PTPRN2: variants seen among roughly 807,000 people sequenced by gnomAD.
The protein encoded by PTPRN2 is protein tyrosine phosphatase receptor type N2.
In PTPRN2, 74 loss-of-function variants were observed where a neutral mutation model predicts 118.8. The observed-to-expected ratio is 0.62, with a 90% CI of 0.52 to 0.76. PTPRN2 has a LOEUF of 0.76. Among genes scored for constraint, PTPRN2 ranks in the 30% least tolerant of loss-of-function variants. The pLI, the probability that PTPRN2 is intolerant of heterozygous loss-of-function variation, is 0.00. For synonymous variants in PTPRN2, 641 were observed against 608.0 expected (o/e 1.05, Z -0.80); for missense variants, 1,481 against 1,394.4 (o/e 1.06, Z -0.99).
Position 157,995,246 on chromosome 7 carries a change from G to A in PTPRN2, c.1723+86052C>T, listed in dbSNP as rs150154194. 5.1e-3 allele frequency among the ~76,000 whole-genome samples: 760 copies of A among 148,000 alleles called. 1 individual carries two copies. The highest frequency in any genetic ancestry group is 0.015 in the African/African-American group (592 of 39,628). On this transcript the variant is annotated intron_variant, in intron 11 of 22. Coordinates refer to ENST00000389418, the MANE Select transcript of PTPRN2 (RefSeq NM_002847.5). ...TACAACTCCTTGTTCCTAAATCAAC[G>A]CTGCATCCCCAGCTTACAACTCCTT...
Position 158,158,423 on chromosome 7 carries a change from C to T in PTPRN2, c.910+8508G>A, listed in dbSNP as rs577040394. ...CAGCCAACGCAGGACCTCAGGGTCACGGAAGGCTCGAAGGAGAAGAGGACC... is the reference window on the plus strand; with the variant it reads ...CAGCCAACGCAGGACCTCAGGGTCATGGAAGGCTCGAAGGAGAAGAGGACC... On this transcript the variant is annotated intron_variant, in intron 6 of 22. Transcript: ENST00000389418. 1.6e-4 allele frequency among the ~76,000 whole-genome samples: 25 copies of T among 152,320 alleles called. No homozygotes were observed. The South Asian group carries it at 4.2e-3, about 25-fold the overall frequency.
chr7:158,163,823 CTG>C (rs1406491896), intron 6 of PTPRN2, among the ~76,000 whole-genome samples: 1 of 151,928 alleles, frequency 6.6e-6, no homozygotes, highest in Non-Finnish European at 1.5e-5. Context: ...TCAATATTCT[CTG>C]TATATTTCGT....
At chr7:158,060,250 C>T (rs1810211525) in intron 11 of PTPRN2, among the ~76,000 whole-genome samples, 1 of 142,858 alleles carries the variant, frequency 7.0e-6, no homozygotes, top group Non-Finnish European at 1.5e-5. Flanking sequence ...CACGGTGACA[C>T]ATCACTGCAG....
At chr7:158,357,561 C>T (rs991985357) in intron 2 of PTPRN2, among the ~76,000 whole-genome samples, 2 of 152,246 alleles carry the variant, frequency 1.3e-5, no homozygotes, top group Non-Finnish European at 2.9e-5. Context: ...AGCCCAGGCC[C>T]ACCCAAATCA....
chr7:158,452,847 A>C (rs974563622), intron 2 of PTPRN2, among the ~76,000 whole-genome samples: 1 of 152,220 alleles, frequency 6.6e-6, no homozygotes, highest in African/African-American at 2.4e-5. Flanking sequence ...GGAACTGCAC[A>C]AAGAGTCTTC....
chr7:158,037,461 T>C lies in PTPRN2; in HGVS notation c.1723+43837A>G, dbSNP rs139315809. ...TCACTGTACTGAGTGCTGTAGGCAA[T>C]TGTAACCAATGGTATGTATTTGCGT... On this transcript the variant is annotated intron_variant, in intron 11 of 22. Transcript: ENST00000389418. Among the ~76,000 whole-genome samples the C allele has an allele frequency of 4.4e-3, 665 of 152,340 alleles. 7 individuals are homozygous for C. Among genetic ancestry groups the C allele is most frequent in the African/African-American group, 0.015 (639 of 41,588 alleles).
intron 1 of PTPRN2, among the ~76,000 whole-genome samples, chr7:158,503,631 A>G (rs1822535582): frequency 6.6e-6 from 1 of 152,234 alleles, no homozygotes; most frequent in Non-Finnish European, 1.5e-5. Flanking sequence ...CCTGGTTACG[A>G]ACAAAAAGTT....
intron 7 of PTPRN2, among the ~76,000 whole-genome samples, chr7:158,137,589 ACCTAACACAGGCCCTC>A (rs1186158698): frequency 1.3e-5 from 2 of 151,812 alleles, no homozygotes; most frequent in Non-Finnish European, 2.9e-5. Context: ...CTGGGCGACC[ACCTAACACAGGCCCTC>A]CCGGGGTGCA....
intron 9 of PTPRN2, among the ~76,000 whole-genome samples, chr7:158,126,075 A>G (rs1460114558): frequency 1.6e-3 from 153 of 92,844 alleles, no homozygotes; most frequent in Middle Eastern, 6.5e-3. Context: ...GGGCGGCGGA[A>G]CTTCCTCTCC....
At chr7:158,303,705 G>C (rs1801067423) in intron 3 of PTPRN2, among the ~76,000 whole-genome samples, 1 of 152,192 alleles carries the variant, frequency 6.6e-6, no homozygotes, top group Admixed American at 6.5e-5. Flanking sequence ...AAATCACCTG[G>C]AGAATTTTTA....
chr7:158,035,463 T>G (rs7456458), intron 11 of PTPRN2, among the ~76,000 whole-genome samples: 15 of 152,220 alleles, frequency 9.9e-5, no homozygotes, highest in African/African-American at 3.6e-4. Context: ...CAGCTGAGTG[T>G]GGCAGTGGCA....
chr7:157,905,239 T>A (rs1797706258), intron 11 of PTPRN2, among the ~76,000 whole-genome samples: 1 of 152,206 alleles, frequency 6.6e-6, no homozygotes, highest in South Asian at 2.1e-4. Context: ...ATGACAATAC[T>A]GCCAATTTTT....
At chr7:157,999,891 CATT>C (rs1426119008) in intron 11 of PTPRN2, among the ~76,000 whole-genome samples, 3 of 149,810 alleles carry the variant, frequency 2.0e-5, no homozygotes, top group African/African-American at 5.0e-5. Flanking sequence ...TTTTATTTTT[CATT>C]ATTATTTTTT....
chr7:157,630,597 A>G (rs564624319), intron 14 of PTPRN2, among the ~76,000 whole-genome samples: 24 of 152,250 alleles, frequency 1.6e-4, no homozygotes, highest in African/African-American at 5.8e-4. Context: ...CTCTCCAAAC[A>G]AGCAACTTGA....
intron 1 of PTPRN2, among the ~76,000 whole-genome samples, chr7:158,559,971 C>A (rs1374043686): frequency 6.6e-6 from 1 of 152,256 alleles, no homozygotes; most frequent in Non-Finnish European, 1.5e-5. Flanking sequence ...AATTTTCTCA[C>A]CTTCCCAAAC....
In PTPRN2 at chr7:158,415,989, C is replaced by G. The variant is rs965444251; in HGVS notation, c.163+73746G>C. ...ATGACGTGTCTGGTGGCAGCCACCACAGTCCTGTCTCTTCTAGGAATCTAA... is the reference window on the plus strand; with the variant it reads ...ATGACGTGTCTGGTGGCAGCCACCAGAGTCCTGTCTCTTCTAGGAATCTAA... On this transcript the variant is annotated intron_variant, in intron 2 of 22. Transcript: ENST00000389418. Among the ~76,000 whole-genome samples, 12 of 152,336 alleles carry G rather than the reference C, an allele frequency of 7.9e-5. No individual in the cohort carries two copies. In the East Asian group the frequency reaches 2.3e-3, roughly 29 times the overall value.
At chr7:158,283,643 T>A (rs1196989059) in intron 3 of PTPRN2, among the ~76,000 whole-genome samples, 2 of 151,914 alleles carry the variant, frequency 1.3e-5, no homozygotes, top group African/African-American at 4.8e-5. Context: ...TCATCAACGG[T>A]GTTGGCCGCC....
At chr7:157,897,345 G>A (rs570827450) in intron 12 of PTPRN2, among the ~76,000 whole-genome samples, 15 of 152,130 alleles carry the variant, frequency 9.9e-5, no homozygotes, top group Admixed American at 3.3e-4. Flanking sequence ...CCTCCGCATC[G>A]GTCACTGCAC....
chr7:157,832,788 G>A (rs1424273341), intron 12 of PTPRN2, among the ~76,000 whole-genome samples: 3 of 152,324 alleles, frequency 2.0e-5, no homozygotes, highest in South Asian at 2.1e-4. Flanking sequence ...TCAGTATATG[G>A]AGCAGTTCTC....
Sources: allele counts gnomAD v4.1 joint callset (sites outside exome capture counted in the v4.1 genomes callset), GRCh38; gene constraint gnomAD v4.1.1; transcripts MANE v1.5; gene names NCBI Gene and HGNC (gene_info 2026-07-23, HGNC 2026-07-21).